Variants in AHNAK observed in about 807,000 individuals in gnomAD.
AHNAK encodes the protein AHNAK nucleoprotein, also known as neuroblast differentiation-associated protein AHNAK.
In AHNAK, 23 loss-of-function variants were observed where a neutral mutation model predicts 37.8. The ratio of observed to expected loss-of-function variants is 0.61; its 90% CI spans 0.44 to 0.86. AHNAK has a LOEUF of 0.86. Among genes scored for constraint, AHNAK ranks in the 40% least tolerant of loss-of-function variants. AHNAK has a pLI of 0.00. For missense variants in AHNAK, 7,411 were observed against 7,319.4 expected (o/e 1.01, Z -0.46); for synonymous variants, 2,481 against 2,636.3 (o/e 0.94, Z 1.80).
At position 62,527,178 on chromosome 11, in the gene AHNAK, C is replaced by T. The variant is rs770729967; in HGVS notation, c.7239G>A (p.Gly2413=). The change falls in exon 5 of 5, where the codon GGG becomes GGA. Residue 2413 remains glycine (G), a synonymous_variant. Transcript: ENST00000378024. The part of the protein sequence containing the change: ...EVDVDVPKLE[G]DLKGPHVDVS... ...CATCCACATGTGGCCCTTTAAGGTC[C>T]CCTTCCAATTTGGGAACATCTACAT... is the stretch of plus-strand genomic sequence containing the variant. 6.2e-7 allele frequency: 1 copy of T among 1,610,772 alleles called. No individual in the cohort carries two copies. Among genetic ancestry groups the T allele is most frequent in the Admixed American group, 1.7e-5 (1 of 59,508 alleles).
At chr11:62,441,887 C>T (rs1235334877) in intron 5 of AHNAK, among the ~76,000 whole-genome samples, 8 of 152,174 alleles carry the variant, frequency 5.3e-5, no homozygotes, top group Non-Finnish European at 1.0e-4. Context: ...CCACTGTCGT[C>T]CTCCCCTGTT....
Position 62,534,293 on chromosome 11 carries a change from G to A in AHNAK, c.343-219C>T, listed in dbSNP as rs183028380. Among the ~76,000 whole-genome samples the A allele has an allele frequency of 9.2e-5, 14 of 152,310 alleles. No homozygotes were observed. In the East Asian group the frequency reaches 1.7e-3, roughly 19 times the overall value. On this transcript the variant is annotated intron_variant, in intron 4 of 4. Transcript: ENST00000378024. Reference sequence around the variant, plus strand: ...TCAGAAATTCTCTGGAGGTCATACCGCTAAGCAAAAACCGTGGGGAGGGAG... The same window carrying A: ...TCAGAAATTCTCTGGAGGTCATACCACTAAGCAAAAACCGTGGGGAGGGAG...
chr11:62,530,993 C>T lies in AHNAK; in HGVS notation c.3424G>A (p.Glu1142Lys), dbSNP rs372994724. 9.9e-6 allele frequency: 16 copies of T among 1,614,134 alleles called. No homozygotes were observed. The highest frequency in any genetic ancestry group is 1.6e-4 in the Middle Eastern group (1 of 6,062). ...AAGTTCACATCCACTTCTGGGCCCT[C>T]GCCTTTGAGGCTGGGCATGCTGAAC... ...PKFSMPSLKG[E>K]GPEVDVNLPK... The change falls in exon 5 of 5, where the codon GAG becomes AAG. Residue 1142 changes from glutamate (E) to lysine (K), a missense_variant. Physicochemically the swap from Glu to Lys is moderately conservative, Grantham distance 56. Transcript: ENST00000378024.
At chr11:62,452,619 C>G (rs996427538) in intron 5 of AHNAK, among the ~76,000 whole-genome samples, 1 of 152,194 alleles carries the variant, frequency 6.6e-6, no homozygotes, top group Non-Finnish European at 1.5e-5. Flanking sequence ...TCTAAGTCTT[C>G]TCATGCTTAG....
intron 5 of AHNAK, among the ~76,000 whole-genome samples, chr11:62,438,175 TTC>T (rs112239286): frequency 7.0e-6 from 1 of 142,642 alleles, no homozygotes; most frequent in African/African-American, 2.7e-5. Context: ...GTCTTTTTCT[TTC>T]TCTCTTTTTT....
rs369615548 is a variant in AHNAK at position 62,460,775 on chromosome 11, G to C, written c.443-26884C>G. ...GAGATAAAGTGGTCTCAGGTATCCT[G>C]GAGACGAGGTGGCTGTCATGTGGTA... On this transcript the variant is annotated intron_variant, in intron 5 of 5. Transcript: ENST00000257247. Among the ~76,000 whole-genome samples, 11 of 152,128 alleles carry C rather than the reference G, an allele frequency of 7.2e-5. No homozygotes were observed. The East Asian group carries it at 2.1e-3, about 29-fold the overall frequency.
chr11:62,455,558 A>T (rs1269285842), intron 5 of AHNAK, among the ~76,000 whole-genome samples: 1 of 152,108 alleles, frequency 6.6e-6, no homozygotes, highest in Non-Finnish European at 1.5e-5. Flanking sequence ...ATACAAAATT[A>T]GCCAGGAGTG....
At chr11:62,458,417 C>T (rs933314982) in intron 5 of AHNAK, among the ~76,000 whole-genome samples, 1 of 152,040 alleles carries the variant, frequency 6.6e-6, no homozygotes, top group Non-Finnish European at 1.5e-5. Context: ...ACAGAGTGCA[C>T]CACGGTTCTG....
intron 5 of AHNAK, among the ~76,000 whole-genome samples, chr11:62,491,088 G>A (rs1730690703): frequency 6.6e-6 from 1 of 152,094 alleles, no homozygotes; most frequent in South Asian, 2.1e-4. Context: ...TGCCCAGCCA[G>A]TCTCCTGATT....
At position 62,539,861 on chromosome 11, in the gene AHNAK, C is replaced by G. The variant is rs545029905; in HGVS notation, c.-99-3294G>C. Among the ~76,000 whole-genome samples, 10 of 152,336 alleles carry G rather than the reference C, an allele frequency of 6.6e-5. No homozygotes were observed. In the East Asian group the frequency reaches 1.9e-3, roughly 29 times the overall value. ...CCTGGCACAGCCTGGAAGGACTCCC[C>G]TCTCATCTGACCTGGGCCATTCAGT... On this transcript the variant is annotated intron_variant, in intron 1 of 4. Coordinates refer to ENST00000378024, the MANE Select transcript of AHNAK (RefSeq NM_001620.3).
chr11:62,524,545 G>A lies in AHNAK; in HGVS notation c.9872C>T (p.Pro3291Leu). The change falls in exon 5 of 5, where the codon CCC (proline) becomes CTC (leucine). Residue 3291 changes from proline to leucine, a missense_variant. Coordinates refer to ENST00000378024, the MANE Select transcript of AHNAK (RefSeq NM_001620.3). Reference sequence around the variant, plus strand: ...GTCAATTTCTGGCATGGAGATCTTGGGCATGTTTACATGCATGTCAGGCAT... The same window carrying A: ...GTCAATTTCTGGCATGGAGATCTTGAGCATGTTTACATGCATGTCAGGCAT... ...LKMPDMHVNM[P>L]KISMPEIDLN... is the part of the protein sequence containing the mutation. The A allele has an allele frequency of 6.2e-7, 1 of 1,613,984 alleles. No individual in the cohort carries two copies. The highest frequency in any genetic ancestry group is 8.5e-7 in the Non-Finnish European group (1 of 1,179,998).
At chr11:62,496,464 G>A (rs994975828) in intron 4 of AHNAK, among the ~76,000 whole-genome samples, 1 of 152,128 alleles carries the variant, frequency 6.6e-6, no homozygotes, top group African/African-American at 2.4e-5. Flanking sequence ...AATTCTCAGG[G>A]AGAAAAATTC....
At chr11:62,474,074 A>G (rs749228105) in intron 5 of AHNAK, among the ~76,000 whole-genome samples, 1 of 152,138 alleles carries the variant, frequency 6.6e-6, no homozygotes, top group Non-Finnish European at 1.5e-5. Context: ...TTGTATACAT[A>G]TATCAAATAT....
chr11:62,451,567 G>A (rs191490023), intron 5 of AHNAK, among the ~76,000 whole-genome samples: 1,542 of 151,912 alleles, frequency 0.01, 9 homozygotes, highest in Non-Finnish European at 0.018. Flanking sequence ...ATAAAACCCC[G>A]TCTCTACTAG....
chr11:62,467,259 T>C (rs1003652994), intron 5 of AHNAK, among the ~76,000 whole-genome samples: 6 of 149,632 alleles, frequency 4.0e-5, no homozygotes, highest in African/African-American at 1.5e-4. Context: ...TTGAAAGTAA[T>C]ATAATTGTAC....
At chr11:62,441,440 T>C (rs1010862598) in intron 5 of AHNAK, among the ~76,000 whole-genome samples, 25 of 152,102 alleles carry the variant, frequency 1.6e-4, no homozygotes, top group Non-Finnish European at 3.1e-4. Flanking sequence ...GCCACTGCCC[T>C]CCAACCTACG....
chr11:62,483,449 G>A (rs894921089), intron 5 of AHNAK, among the ~76,000 whole-genome samples: 3 of 152,150 alleles, frequency 2.0e-5, no homozygotes, highest in Non-Finnish European at 2.9e-5. Context: ...AGGGCGGGCC[G>A]GGCGCGGTGG....
chr11:62,533,491 A>G lies in AHNAK; in HGVS notation c.926T>C (p.Met309Thr). ...GDHGKIKFPT[M>T]KVPKFGVSTG... is the part of the protein sequence containing the mutation. The stretch of plus-strand genomic sequence containing the variant: ...TGAGACACCAAATTTCGGCACTTTC[A>G]TGGTGGGAAATTTAATTTTGCCATG... Residue 309 changes from methionine to threonine, a missense_variant, in exon 5 of 5, where the codon ATG becomes ACG. Transcript: ENST00000378024. The G allele has an allele frequency of 1.9e-6, 3 of 1,614,032 alleles. No homozygotes were observed. Among genetic ancestry groups the G allele is most frequent in the Non-Finnish European group, 2.5e-6 (3 of 1,179,992 alleles).
At chr11:62,468,184 C>T (rs912767300) in intron 5 of AHNAK, among the ~76,000 whole-genome samples, 30 of 152,050 alleles carry the variant, frequency 2.0e-4, no homozygotes, top group Admixed American at 1.8e-3. Flanking sequence ...TCCGTCTCTA[C>T]TAAAATACAA....
Sources: gnomAD v4.1 joint callset for allele counts (sites outside exome capture counted in the v4.1 genomes callset) on GRCh38, gnomAD v4.1.1 for gene constraint, MANE v1.5 for transcripts, NCBI Gene and HGNC (gene_info 2026-07-23, HGNC 2026-07-21) for gene names.